Variants in TMTC2 observed in about 807,000 individuals in gnomAD.
TMTC2 encodes transmembrane O-mannosyltransferase targeting cadherins 2, also known as protein O-mannosyl-transferase TMTC2.
In TMTC2, 43 loss-of-function variants were observed where a neutral mutation model predicts 82.4. The observed-to-expected ratio is 0.52, with a 90% CI of 0.41 to 0.67. TMTC2 has a LOEUF of 0.67. TMTC2 is among the 30% of genes least tolerant of loss of function. The pLI, the probability that TMTC2 is intolerant of heterozygous loss-of-function variation, is 0.00. For missense variants in TMTC2, 919 were observed against 1,012.4 expected (o/e 0.91, Z 1.25); for synonymous variants, 408 against 381.9 (o/e 1.07, Z -0.80).
At chr12:82,973,554 T>C (rs1044070646) in intron 7 of TMTC2, among the ~76,000 whole-genome samples, 1 of 152,212 alleles carries the variant, frequency 6.6e-6, no homozygotes, top group Admixed American at 6.5e-5. Context: ...TAAAAGTTTC[T>C]CTTAAAAAAG....
chr12:83,095,220 T>G (rs1389957657), intron 11 of TMTC2, among the ~76,000 whole-genome samples: 1 of 121,338 alleles, frequency 8.2e-6, no homozygotes, highest in Admixed American at 8.2e-5. Context: ...ATTTCATGGT[T>G]TTTTTTTTTG....
At chr12:83,085,030 G>A (rs896414456) in intron 11 of TMTC2, among the ~76,000 whole-genome samples, 1 of 152,194 alleles carries the variant, frequency 6.6e-6, no homozygotes, top group Non-Finnish European at 1.5e-5. Context: ...AAGGTCCAGA[G>A]TGTTGACTGC....
At chr12:82,965,419 C>T in intron 5 of TMTC2, 141 bp from the exon 6 acceptor site, 1 of 818,728 alleles carries the variant, frequency 1.2e-6, no homozygotes, top group Non-Finnish European at 1.9e-6. Context: ...ATTATTGATC[C>T]CATGAGTATT....
intron 1 of TMTC2, among the ~76,000 whole-genome samples, chr12:82,829,377 C>T (rs1869625594): frequency 6.6e-6 from 1 of 152,138 alleles, no homozygotes; most frequent in Admixed American, 6.5e-5. Context: ...AAGGTCTTTT[C>T]TTACACAGCT....
At chr12:82,784,242 C>A (rs1168785651) in intron 1 of TMTC2, among the ~76,000 whole-genome samples, 1 of 151,982 alleles carries the variant, frequency 6.6e-6, no homozygotes, top group Non-Finnish European at 1.5e-5. Context: ...GATATTTTTC[C>A]CATACCCCAG....
chr12:83,075,348 C>T (rs886584744), intron 11 of TMTC2, among the ~76,000 whole-genome samples: 1 of 152,186 alleles, frequency 6.6e-6, no homozygotes, highest in African/African-American at 2.4e-5. Flanking sequence ...CCTCCGCAAG[C>T]TGCTCTGTCT....
chr12:82,918,454 T>C (rs545661705), intron 3 of TMTC2, among the ~76,000 whole-genome samples: 1 of 152,260 alleles, frequency 6.6e-6, no homozygotes, highest in South Asian at 2.1e-4. Context: ...TGGCAGATTC[T>C]TACATAGAAC....
chr12:83,037,124 A>G (rs1006933934), intron 9 of TMTC2, among the ~76,000 whole-genome samples: 2 of 152,204 alleles, frequency 1.3e-5, no homozygotes, highest in African/African-American at 4.8e-5. Flanking sequence ...CAGGCAAACC[A>G]TATCCAAACC....
At chr12:82,976,624 A>G (rs2137321580) in intron 7 of TMTC2, among the ~76,000 whole-genome samples, 1 of 152,170 alleles carries the variant, frequency 6.6e-6, no homozygotes, top group East Asian at 1.9e-4. Flanking sequence ...GAAGCAATAT[A>G]TCTGGGGCAA....
chr12:82,918,907 GCCACC>G (rs1875200015), intron 3 of TMTC2, among the ~76,000 whole-genome samples: 1 of 152,030 alleles, frequency 6.6e-6, no homozygotes, highest in Admixed American at 6.5e-5. Context: ...ACAGGTGCCT[GCCACC>G]ACGCCTGGCT....
rs1868743171 is a variant in TMTC2, at chr12:82,816,563, A to G, written c.84-40447A>G. 2.0e-5 allele frequency among the ~76,000 whole-genome samples: 3 copies of G among 152,026 alleles called. No individual in the cohort carries two copies. In the South Asian group the frequency reaches 6.2e-4, roughly 32 times the overall value. On this transcript the variant is annotated intron_variant, in intron 1 of 11. Transcript: ENST00000321196. The stretch of plus-strand genomic sequence containing the variant: ...GCATGAGTTTGTAATAAGATAGAAT[A>G]TGTGTTTGCTATATCAGACTTCTAT...
intron 8 of TMTC2, among the ~76,000 whole-genome samples, chr12:82,996,437 G>A (rs996346980): frequency 3.9e-5 from 6 of 152,160 alleles, no homozygotes; most frequent in African/African-American, 1.4e-4. Flanking sequence ...ACAGTGGAAG[G>A]CATAATTCTT....
chr12:83,046,416 G>T lies in TMTC2; in HGVS notation c.2153-4488G>T, dbSNP rs368319599. Among the ~76,000 whole-genome samples, 5 of 152,256 alleles carry T rather than the reference G, an allele frequency of 3.3e-5. No homozygotes were observed. In the South Asian group the frequency reaches 8.3e-4, roughly 25 times the overall value. On this transcript the variant is annotated intron_variant, in intron 9 of 11. Transcript: ENST00000321196. The stretch of plus-strand genomic sequence containing the variant: ...AAACCCACTGAATCTGAAATTCTGC[G>T]GTTGGTGCCTTGCTCTCTATTTTAG...
chr12:82,875,385 T>TATATATATATATATATATATATATATA (rs140437146), intron 2 of TMTC2, among the ~76,000 whole-genome samples: 12 of 151,932 alleles, frequency 7.9e-5, no homozygotes, highest in African/African-American at 2.7e-4. Flanking sequence ...TATATATATA[T>TATATATATATATATATATATATATATA]ATGTTTTACA....
At position 82,774,474 on chromosome 12, in the gene TMTC2, A is replaced by G. The variant is rs184519077; in HGVS notation, c.84-82536A>G. ...TGTATCTACCAAAAATACAAAAACTAGCTGAGCATGGTGGCATGCACCTGT... is the reference window on the plus strand; with the variant it reads ...TGTATCTACCAAAAATACAAAAACTGGCTGAGCATGGTGGCATGCACCTGT... On this transcript the variant is annotated intron_variant, in intron 1 of 11. Transcript: ENST00000321196. Among the ~76,000 whole-genome samples, 662 of 152,030 alleles carry G rather than the reference A, an allele frequency of 4.4e-3. 3 individuals carry two copies. The highest frequency in any genetic ancestry group is 0.015 in the African/African-American group (638 of 41,480).
In TMTC2 at chr12:82,835,003, G is replaced by T. The variant is rs1592560598; in HGVS notation, c.84-22007G>T. Among the ~76,000 whole-genome samples the T allele has an allele frequency of 2.0e-5, 3 of 151,970 alleles. No individual in the cohort carries two copies. In the East Asian group the frequency reaches 5.8e-4, roughly 29 times the overall value. On this transcript the variant is annotated intron_variant, in intron 1 of 11. Coordinates refer to ENST00000321196, the MANE Select transcript of TMTC2 (RefSeq NM_152588.3). ...AACAATTTTCCTGCTTCAGCCTCCT[G>T]AGTGTGCACCACCATGCCCAGCTAA...
At chr12:82,709,072 C>A (rs1230961337) in intron 1 of TMTC2, among the ~76,000 whole-genome samples, 2 of 150,490 alleles carry the variant, frequency 1.3e-5, no homozygotes, top group Non-Finnish European at 3.0e-5. Context: ...TAACATACTG[C>A]TGTGATAGGA....
At chr12:83,123,594 G>C (rs544683473) in intron 11 of TMTC2, among the ~76,000 whole-genome samples, 2 of 152,080 alleles carry the variant, frequency 1.3e-5, no homozygotes, top group East Asian at 1.9e-4. Context: ...TGCATTTTAA[G>C]TAAGGACTTA....
chr12:82,782,814 G>C (rs1877973032), intron 1 of TMTC2, among the ~76,000 whole-genome samples: 2 of 152,176 alleles, frequency 1.3e-5, no homozygotes, highest in South Asian at 4.1e-4. Context: ...CAGTGCCTTT[G>C]AGTTACTTCT....
Sources: allele counts gnomAD v4.1 joint callset (sites outside exome capture counted in the v4.1 genomes callset), GRCh38; gene constraint gnomAD v4.1.1; transcripts MANE v1.5; gene names NCBI Gene and HGNC (gene_info 2026-07-23, HGNC 2026-07-21).